The following DGLUCY variants were observed in gnomAD, a reference collection of about 807,000 sequenced individuals.
DGLUCY encodes D-glutamate cyclase, mitochondrial.
Under a neutral mutation model 58.5 loss-of-function variants are expected in DGLUCY, and 58 were observed. That is an observed-to-expected ratio of 0.99 (90% CI 0.80 to 1.23). The LOEUF (loss-of-function observed/expected upper bound fraction) is 1.23, where lower values mean the gene tolerates loss of function less well. DGLUCY is among the 50% of genes most tolerant of loss of function. DGLUCY has a pLI of 0.00. For synonymous variants in DGLUCY, 325 were observed against 314.1 expected (o/e 1.03, Z -0.37); for missense variants, 779 against 784.7 (o/e 0.99, Z 0.09).
chr14:91,104,508 A>G (rs1322124051), upstream of DGLUCY, among the ~76,000 whole-genome samples: 1 of 152,174 alleles, frequency 6.6e-6, no homozygotes, highest in African/African-American at 2.4e-5. Context: ...CAGTAGTGTC[A>G]CAGTTGAGAA....
chr14:91,105,342 A>G (rs2044570536), upstream of DGLUCY, among the ~76,000 whole-genome samples: 2 of 152,160 alleles, frequency 1.3e-5, no homozygotes, highest in African/African-American at 4.8e-5. Context: ...AAAATGCATT[A>G]TCATTTTACT....
chr14:91,220,854 G>A, intron 13 of DGLUCY: 1 of 363,098 alleles, frequency 2.8e-6, no homozygotes, highest in South Asian at 2.0e-5. Context: ...CTTTACAAGA[G>A]ATCACAAAGA....
At chr14:91,213,468 T>A (rs932563037) in intron 12 of DGLUCY, among the ~76,000 whole-genome samples, 1 of 152,076 alleles carries the variant, frequency 6.6e-6, no homozygotes, top group African/African-American at 2.4e-5. Context: ...ATGACAAGAA[T>A]TAACAATAAT....
At chr14:91,081,120 G>T (rs530355376) in intron 1 of DGLUCY, among the ~76,000 whole-genome samples, 477 of 152,160 alleles carry the variant, frequency 3.1e-3, no homozygotes, top group Non-Finnish European at 3.9e-3. Flanking sequence ...GGAGAATGGT[G>T]TGAACCCGGG....
intron 1 of DGLUCY, among the ~76,000 whole-genome samples, chr14:91,090,057 C>T (rs768213873): frequency 2.0e-5 from 3 of 152,098 alleles, no homozygotes; most frequent in African/African-American, 4.8e-5. Flanking sequence ...GGGGCCCTGA[C>T]GAAGGAGGAA....
intron 3 of DGLUCY, 83 bp downstream of exon 3, chr14:91,160,480 A>G (rs1238206575): frequency 4.2e-5 from 40 of 950,468 alleles, no homozygotes; most frequent in Non-Finnish European, 5.9e-5. Flanking sequence ...AGGGCCCACA[A>G]ACTCCTAAGA....
intron 1 of DGLUCY, among the ~76,000 whole-genome samples, chr14:91,127,053 C>CTTTTTTTTTT (rs11407228): frequency 4.1e-5 from 4 of 98,346 alleles, no homozygotes; most frequent in Admixed American, 1.3e-4. Flanking sequence ...TGATGATACT[C>CTTTTTTTTTT]TTTTTTTTTT....
chr14:91,174,146 A>C lies in DGLUCY; in HGVS notation c.607+707A>C, dbSNP rs573522329. 6.6e-5 allele frequency among the ~76,000 whole-genome samples: 10 copies of C among 152,220 alleles called. No homozygotes were observed. In the South Asian group the frequency reaches 2.1e-3, roughly 32 times the overall value. ...GAAGCCTCCGTAAAACCCCAAGAGG[A>C]TAGGCTTCAGTGAGCTTCTACATAG... On this transcript the variant is annotated intron_variant, in intron 6 of 13. Transcript: ENST00000256324.
At chr14:91,085,568 T>TTG (rs1470712923) in intron 1 of DGLUCY, among the ~76,000 whole-genome samples, 1 of 149,988 alleles carries the variant, frequency 6.7e-6, no homozygotes, top group African/African-American at 2.5e-5. Context: ...TTTTTGTTTT[T>TTG]TTTTTTTTTT....
At position 91,060,585 on chromosome 14, in the gene DGLUCY, T is replaced by C. The variant is rs2043632124; in HGVS notation, c.-201T>C. 27 of 1,061,498 alleles carry C rather than the reference T, an allele frequency of 2.5e-5. No homozygotes were observed. The South Asian group carries it at 7.6e-4, about 30-fold the overall frequency. 65.8% of individuals were successfully genotyped at this position (1,061,498 alleles called of 1,614,324 possible). A position where few individuals can be genotyped will look rare whatever the true frequency, so the allele number is the denominator to read the frequency against. On this transcript the variant is annotated 5_prime_UTR_variant, in exon 1 of 5. Transcript: ENST00000521334. ...GCAAAGACGAGTCTCTTTCCCGCTCTGGCCGCACGGCTCGCTCCTCGCCTC... is the reference window on the plus strand; with the variant it reads ...GCAAAGACGAGTCTCTTTCCCGCTCCGGCCGCACGGCTCGCTCCTCGCCTC...
chr14:91,212,436 C>A (rs1302438916), intron 12 of DGLUCY, among the ~76,000 whole-genome samples: 1 of 152,216 alleles, frequency 6.6e-6, no homozygotes, highest in Non-Finnish European at 1.5e-5. Flanking sequence ...TTACACCTCA[C>A]AAGCTTGTTG....
intron 13 of DGLUCY, chr14:91,216,229 C>A (rs959825045): frequency 2.5e-5 from 4 of 161,980 alleles, no homozygotes; most frequent in Admixed American, 2.3e-4. Context: ...ACCGCAGGCC[C>A]ACAAGGAGGA....
At chr14:91,209,619 A>T (rs1017843970) in intron 12 of DGLUCY, among the ~76,000 whole-genome samples, 1 of 151,898 alleles carries the variant, frequency 6.6e-6, no homozygotes, top group African/African-American at 2.4e-5. Flanking sequence ...GAGGCAGGAG[A>T]ATCGCTTTAA....
At chr14:91,191,058 C>G (rs1437257723) in intron 9 of DGLUCY, among the ~76,000 whole-genome samples, 1 of 152,128 alleles carries the variant, frequency 6.6e-6, no homozygotes, top group African/African-American at 2.4e-5. Flanking sequence ...AAGCTAGGGC[C>G]CTGCAGGGCC....
chr14:91,174,363 C>T (rs992312299), intron 6 of DGLUCY, among the ~76,000 whole-genome samples: 1 of 152,104 alleles, frequency 6.6e-6, no homozygotes, highest in Non-Finnish European at 1.5e-5. Flanking sequence ...TGGAGTGCAG[C>T]GTTGCAATCT....
intron 1 of DGLUCY, among the ~76,000 whole-genome samples, chr14:91,070,805 A>C (rs948635684): frequency 6.6e-6 from 1 of 152,204 alleles, no homozygotes; most frequent in African/African-American, 2.4e-5. Context: ...AGAACAAATG[A>C]AACAATAGAA....
At chr14:91,086,251 C>T (rs1447257992) in intron 1 of DGLUCY, among the ~76,000 whole-genome samples, 3 of 152,080 alleles carry the variant, frequency 2.0e-5, no homozygotes, top group African/African-American at 7.2e-5. Flanking sequence ...TTATATATTA[C>T]AATGTGATAA....
chr14:91,131,667 C>T (rs919510831), intron 1 of DGLUCY, among the ~76,000 whole-genome samples: 18 of 152,132 alleles, frequency 1.2e-4, no homozygotes, highest in Non-Finnish European at 1.9e-4. Context: ...TTCCTGTGTC[C>T]ACCAACTTGA....
At chr14:91,133,697 A>G in intron 1 of DGLUCY, among the ~76,000 whole-genome samples, 1 of 152,136 alleles carries the variant, frequency 6.6e-6, no homozygotes, top group East Asian at 1.9e-4. Context: ...CCCAATGTTA[A>G]TTTTCTGAGG....
Sources: gnomAD v4.1 joint callset for allele counts (sites outside exome capture counted in the v4.1 genomes callset) on GRCh38, gnomAD v4.1.1 for gene constraint, MANE v1.5 for transcripts, NCBI Gene and HGNC (gene_info 2026-07-23, HGNC 2026-07-21) for gene names.